CACNB4: variants seen among roughly 807,000 people sequenced by gnomAD.
The protein encoded by CACNB4 is calcium voltage-gated channel auxiliary subunit beta 4, also known as voltage-dependent L-type calcium channel subunit beta-4.
CACNB4 carries 32 observed loss-of-function variants against 71.2 expected under a neutral mutation model. The ratio of observed to expected loss-of-function variants is 0.45; its 90% CI spans 0.34 to 0.60. The LOEUF is 0.60. CACNB4 is among the 20% of genes least tolerant of loss of function. CACNB4 has a pLI of 0.01. For synonymous variants in CACNB4, 231 were observed against 236.9 expected (o/e 0.97, Z 0.23); for missense variants, 464 against 647.9 (o/e 0.72, Z 3.08).
At chr2:151,924,337 C>T (rs111491609) in intron 2 of CACNB4, among the ~76,000 whole-genome samples, 15 of 151,746 alleles carry the variant, frequency 9.9e-5, no homozygotes, top group African/African-American at 3.6e-4. Flanking sequence ...CTCGCCCTCC[C>T]AAAGTGTATT....
intron 4 of CACNB4, 133 bp from the exon 5 acceptor site, chr2:151,876,689 TTATA>T: frequency 2.9e-5 from 13 of 454,764 alleles, no homozygotes; most frequent in Non-Finnish European, 4.2e-5. Context: ...AAACTATATT[TTATA>T]TGTATATGTG....
chr2:151,876,855 A>G (rs944388767), intron 4 of CACNB4, among the ~76,000 whole-genome samples: 3 of 143,108 alleles, frequency 2.1e-5, no homozygotes, highest in African/African-American at 8.0e-5. Context: ...ATGTGTATAT[A>G]TCTATATATC....
chr2:152,072,819 T>G (rs1198997027), intron 2 of CACNB4, among the ~76,000 whole-genome samples: 1 of 151,670 alleles, frequency 6.6e-6, no homozygotes, highest in African/African-American at 2.4e-5. Flanking sequence ...TTTTTTTTTT[T>G]TTTGTATTTT....
intron 10 of CACNB4, chr2:151,858,935 G>C (rs112002124): frequency 6.6e-6 from 1 of 152,092 alleles, no homozygotes; most frequent in Non-Finnish European, 1.5e-5. Flanking sequence ...ACTGTCACAG[G>C]TATTCTAACC....
intron 2 of CACNB4, among the ~76,000 whole-genome samples, chr2:151,999,376 G>GC (rs1553807633): frequency 6.8e-6 from 1 of 147,548 alleles, no homozygotes; most frequent in Non-Finnish European, 1.5e-5. Context: ...CCCTGTTATG[G>GC]TTTTTTTTTT....
chr2:152,020,429 G>A (rs1320068304), intron 2 of CACNB4, among the ~76,000 whole-genome samples: 1 of 152,172 alleles, frequency 6.6e-6, no homozygotes, highest in Non-Finnish European at 1.5e-5. Flanking sequence ...ATAGGGTGAG[G>A]GGGCAAGAAG....
At chr2:152,011,206 G>T (rs959876874) in intron 2 of CACNB4, among the ~76,000 whole-genome samples, 3 of 152,214 alleles carry the variant, frequency 2.0e-5, no homozygotes, top group Admixed American at 2.0e-4. Context: ...TAGAATTCAA[G>T]AAAAACTTTC....
chr2:152,077,634 G>C (rs908584318), intron 2 of CACNB4, among the ~76,000 whole-genome samples: 6 of 152,188 alleles, frequency 3.9e-5, no homozygotes, highest in African/African-American at 1.4e-4. Flanking sequence ...GGAGGCTGGA[G>C]GCAGGAGAAA....
intron 4 of CACNB4, 53 bp downstream of exon 4, chr2:151,880,747 T>C: frequency 6.3e-7 from 1 of 1,582,200 alleles, no homozygotes; most frequent in Non-Finnish European, 8.6e-7. Context: ...CAGAGCTGAT[T>C]CCTGGCTTCA....
intron 12 of CACNB4, chr2:151,850,276 G>A (rs1441732030): frequency 6.6e-6 from 1 of 150,852 alleles, no homozygotes; most frequent in Non-Finnish European, 1.5e-5. Context: ...TGAGTAGCTG[G>A]GATTACAGGT....
intron 2 of CACNB4, among the ~76,000 whole-genome samples, chr2:151,928,341 T>C (rs760075939): frequency 6.6e-6 from 1 of 152,196 alleles, no homozygotes; most frequent in African/African-American, 2.4e-5. Context: ...ACCTGAATAC[T>C]AAATAGAAGT....
intron 2 of CACNB4, among the ~76,000 whole-genome samples, chr2:152,091,445 G>GCCAA (rs2105469111): frequency 6.6e-6 from 1 of 152,216 alleles, no homozygotes; most frequent in African/African-American, 2.4e-5. Flanking sequence ...CCCCAGCTTA[G>GCCAA]CCAACATGGT....
chr2:152,033,081 G>C (rs1684377894), intron 2 of CACNB4, among the ~76,000 whole-genome samples: 3 of 152,378 alleles, frequency 2.0e-5, no homozygotes, highest in Admixed American at 6.5e-5. Flanking sequence ...CTGGAGAACA[G>C]CATGCCAAAC....
chr2:151,956,956 A>C (rs2099868426), intron 2 of CACNB4, among the ~76,000 whole-genome samples: 1 of 152,138 alleles, frequency 6.6e-6, no homozygotes, highest in African/African-American at 2.4e-5. Flanking sequence ...GACCAGCCTG[A>C]CCAACAAGGC....
At chr2:151,887,042 G>A (rs188153733) in intron 2 of CACNB4, among the ~76,000 whole-genome samples, 11 of 152,196 alleles carry the variant, frequency 7.2e-5, no homozygotes, top group South Asian at 2.1e-4. Flanking sequence ...TTGGAGAGGC[G>A]TCACCCAGAT....
intron 2 of CACNB4, among the ~76,000 whole-genome samples, chr2:152,013,564 C>T (rs1424672471): frequency 2.0e-5 from 3 of 152,070 alleles, no homozygotes; most frequent in Non-Finnish European, 4.4e-5. Flanking sequence ...GTTCACATAG[C>T]AGAGAGGCTC....
chr2:151,920,371 G>C (rs938861003), intron 2 of CACNB4, among the ~76,000 whole-genome samples: 4 of 139,810 alleles, frequency 2.9e-5, no homozygotes, highest in African/African-American at 1.1e-4. Flanking sequence ...GTCCACAACG[G>C]AGGTACAGTG....
intron 2 of CACNB4, among the ~76,000 whole-genome samples, chr2:151,953,860 A>G (rs2099867537): frequency 6.6e-6 from 1 of 152,258 alleles, no homozygotes; most frequent in Non-Finnish European, 1.5e-5. Flanking sequence ...ATCTGTAAAC[A>G]GTCCTTTGGT....
chr2:151,920,312 C>CTTTTTTTTTTTTTTTTTTTT (rs1553774943), intron 2 of CACNB4, among the ~76,000 whole-genome samples: 1 of 112,044 alleles, frequency 8.9e-6, no homozygotes, highest in Admixed American at 1.1e-4. Context: ...TCTTCTTCTT[C>CTTTTTTTTTTTTTTTTTTTT]TTCTTCTTTT....
Sources: gnomAD v4.1 joint callset for allele counts (sites outside exome capture counted in the v4.1 genomes callset) on GRCh38, gnomAD v4.1.1 for gene constraint, MANE v1.5 for transcripts, NCBI Gene and HGNC (gene_info 2026-07-23, HGNC 2026-07-21) for gene names.